The following RIF1 variants were observed in gnomAD, a reference collection of about 807,000 sequenced individuals.
The protein encoded by RIF1 is telomere-associated protein RIF1.
In RIF1, 45 loss-of-function variants were observed where a neutral mutation model predicts 247.1. The observed-to-expected ratio is 0.18, with a 90% CI of 0.14 to 0.23. The LOEUF is 0.23. Among genes scored for constraint, RIF1 ranks in the 10% least tolerant of loss-of-function variants. RIF1 has a pLI of 1.00. For missense variants in RIF1, 2,967 were observed against 2,862.5 expected (o/e 1.04, Z -0.83); for synonymous variants, 1,087 against 978.8 (o/e 1.11, Z -2.06).
chr2:151,464,534 T>C lies in RIF1; in HGVS notation c.5014T>C (p.Ser1672Pro), dbSNP rs755187498. ...CTTTACAAGTCTACCTGTGCCAGAATCAAATCTAAGGACTAGAAATGCCAT... is the reference window on the plus strand; with the variant it reads ...CTTTACAAGTCTACCTGTGCCAGAACCAAATCTAAGGACTAGAAATGCCAT... ...YSFTSLPVPE[S>P]NLRTRNAIKR... Residue 1672 changes from serine to proline, a missense_variant, in exon 30 of 36, where the codon TCA (serine) becomes CCA (proline). Ser to Pro is a moderately conservative substitution (Grantham distance 74). Around this residue, in one of 7 missense-constraint regions of RIF1, gnomAD observed 2,028 missense variants for 1,825.6 expected, o/e 1.11. Transcript: ENST00000444746. 2 of 1,611,526 alleles carry C rather than the reference T, an allele frequency of 1.2e-6. No homozygotes were observed. The highest frequency in any genetic ancestry group is 1.3e-5 in the African/African-American group (1 of 74,770).
At chr2:151,525,419 TTC>T in the RIF1 span, 1 of 632,526 alleles carries the variant, frequency 1.6e-6, no homozygotes, top group Non-Finnish European at 2.8e-6. Context: ...ATTCTAGTTC[TTC>T]TCTGTCATTT....
the RIF1 span, chr2:151,519,138 G>A: frequency 4.2e-6 from 4 of 954,478 alleles, no homozygotes; most frequent in East Asian, 9.8e-5. Flanking sequence ...GGAAATCAAA[G>A]TGAGATAGCC....
At position 151,440,850 on chromosome 2, in the gene RIF1, A is replaced by T. The variant is rs117328605; in HGVS notation, c.1647+723A>T. Among the ~76,000 whole-genome samples, 25 of 152,352 alleles carry T rather than the reference A, an allele frequency of 1.6e-4. No individual in the cohort carries two copies. The East Asian group carries it at 4.6e-3, about 28-fold the overall frequency. On this transcript the variant is annotated intron_variant, in intron 15 of 35. Transcript: ENST00000444746. ...CAGTAGTTAAAGACTAAGTGAATTG[A>T]TACATGGAAAGTACTATGGGCCAGG...
Position 151,466,066 on chromosome 2 carries a change from A to ATT in RIF1, c.6546_6547insTT (p.Lys2183LeufsTer5). On this transcript the variant is annotated frameshift_variant, in exon 30 of 36. Transcript: ENST00000444746. LOFTEE classifies it high-confidence loss of function. The stretch of plus-strand genomic sequence containing the variant: ...TGGCTTCTCCGTCTACGAGCATTTT[A>ATT]AAGAGAGGACTAAAAAGATCCCAAG... 1 of 1,609,458 alleles carries ATT rather than the reference A, an allele frequency of 6.2e-7. No individual in the cohort carries two copies. Among genetic ancestry groups the ATT allele is most frequent in the Non-Finnish European group, 8.5e-7 (1 of 1,177,324 alleles).
chr2:151,505,953 T>C (rs973151953), intron 12 of RIF1: 26 of 589,834 alleles, frequency 4.4e-5, no homozygotes, highest in African/African-American at 4.3e-4. Flanking sequence ...AGCCTCTCTG[T>C]TTTTCAGATC....
Position 151,436,863 on chromosome 2 carries a change from G to T in RIF1, c.1232G>T (p.Arg411Leu), listed in dbSNP as rs550389711. Reference protein sequence around the residue: ...SSPYGAPGTPRMNLSSNLGGM... With the variant: ...SSPYGAPGTPLMNLSSNLGGM... ...CCGTACGGAGCCCCGGGAACTCCCC[G>T]AATGAACCTGAGTTCGAATTTAGGT... is the stretch of plus-strand genomic sequence containing the variant. The change falls in exon 12 of 36, where the codon CGA (arginine) becomes CTA (leucine). Residue 411 changes from arginine (R) to leucine (L), a missense_variant. Physicochemically the swap from Arg to Leu is moderately radical, Grantham distance 102. Around this residue, in one of 7 missense-constraint regions of RIF1, gnomAD observed 369 missense variants for 322.0 expected, o/e 1.15. Coordinates refer to ENST00000444746, the MANE Select transcript of RIF1 (RefSeq NM_018151.5). The T allele has an allele frequency of 6.2e-7, 1 of 1,610,968 alleles. No individual in the cohort carries two copies.
chr2:151,523,475 G>T, the RIF1 span, among the ~76,000 whole-genome samples: 1 of 152,190 alleles, frequency 6.6e-6, no homozygotes, highest in East Asian at 1.9e-4. Context: ...ACAGATACCT[G>T]AGAGGACAAG....
At chr2:151,458,782 A>G in intron 24 of RIF1, 29 bp from the exon 25 acceptor site, 3 of 1,331,394 alleles carry the variant, frequency 2.3e-6, no homozygotes, top group Non-Finnish European at 2.1e-6. Context: ...ACTTGACTTA[A>G]GGTATATATT....
chr2:151,464,583 C>A lies in RIF1; in HGVS notation c.5063C>A (p.Ser1688Tyr). 1 of 1,613,504 alleles carries A rather than the reference C, an allele frequency of 6.2e-7. No individual in the cohort carries two copies. The highest frequency in any genetic ancestry group is 8.5e-7 in the Non-Finnish European group (1 of 1,179,624). ...ATTAAGAGATTACATAAGCGAGACT[C>A]TTTTGATAATTGTAGTTTGGGAGAA... ...NAIKRLHKRD[S>Y]FDNCSLGESS... Residue 1688 changes from serine (S) to tyrosine (Y), a missense_variant, in exon 30 of 36, where the codon TCT (serine) becomes TAT (tyrosine). This residue lies in a region of RIF1 where 2,028 missense variants were observed against 1,825.6 expected (regional missense o/e 1.11). Transcript: ENST00000444746.
chr2:151,504,927 T>G (rs938795998), intron 12 of RIF1, among the ~76,000 whole-genome samples: 1 of 152,022 alleles, frequency 6.6e-6, no homozygotes, highest in African/African-American at 2.4e-5. Context: ...CCACTGCATT[T>G]ACTAGATGGA....
chr2:151,447,724 T>C (rs1228950575), intron 20 of RIF1, among the ~76,000 whole-genome samples: 1 of 152,112 alleles, frequency 6.6e-6, no homozygotes, highest in Non-Finnish European at 1.5e-5. Flanking sequence ...TTTGTATTTT[T>C]AGTAGAGATG....
At chr2:151,447,632 G>A (rs564995804) in intron 20 of RIF1, among the ~76,000 whole-genome samples, 5 of 152,060 alleles carry the variant, frequency 3.3e-5, no homozygotes, top group South Asian at 2.1e-4. Flanking sequence ...TGCAGCCTCC[G>A]CCTTCTGGGT....
chr2:151,434,436 A>ATT (rs1491304250), intron 10 of RIF1, among the ~76,000 whole-genome samples: 2 of 105,458 alleles, frequency 1.9e-5, no homozygotes, highest in African/African-American at 6.6e-5. Flanking sequence ...TTGGTTTTTG[A>ATT]ATTTTTTTTT....
chr2:151,505,433 G>A, intron 12 of RIF1: 1 of 1,495,118 alleles, frequency 6.7e-7, no homozygotes, highest in Non-Finnish European at 9.3e-7. Flanking sequence ...TAGCAATTGA[G>A]AGATGGCCAG....
downstream of RIF1, among the ~76,000 whole-genome samples, chr2:151,486,912 A>G (rs2050952755): frequency 6.6e-6 from 1 of 152,358 alleles, no homozygotes; most frequent in South Asian, 2.1e-4. Context: ...TTAATTCACC[A>G]GAAGAGTTTT....
At chr2:151,411,121 C>T (rs1686119354) in intron 2 of RIF1, 139 bp from the exon 3 acceptor site, 5 of 611,142 alleles carry the variant, frequency 8.2e-6, no homozygotes, top group South Asian at 2.1e-5. Flanking sequence ...TTCTGTATAC[C>T]CTTAAGGACC....
At chr2:151,499,285 T>A in intron 10 of RIF1, 1 of 1,358,564 alleles carries the variant, frequency 7.4e-7, no homozygotes, top group Admixed American at 2.2e-5. Context: ...AGGGATTTTT[T>A]ATTTTTAAAT....
the RIF1 span, among the ~76,000 whole-genome samples, chr2:151,515,744 A>G: frequency 1.3e-5 from 2 of 152,238 alleles, no homozygotes; most frequent in Non-Finnish European, 2.9e-5. Context: ...AGAAACTCCT[A>G]TAGATCCTTT....
chr2:151,466,143 T>C, intron 30 of RIF1, 23 bp downstream of exon 30: 1 of 1,403,476 alleles, frequency 7.1e-7, no homozygotes, highest in Non-Finnish European at 9.8e-7. Context: ...AGGCTAAATA[T>C]TAAGGAACCC....
Sources: gnomAD v4.1 joint callset for allele counts (sites outside exome capture counted in the v4.1 genomes callset) on GRCh38, gnomAD v4.1.1 for gene constraint, gnomAD v4.1.1 regional missense constraint, MANE v1.5 for transcripts, NCBI Gene and HGNC (gene_info 2026-07-23, HGNC 2026-07-21) for gene names.